Variants in TG observed in about 807,000 individuals in gnomAD.
TG encodes thyroglobulin.
In TG, 270 loss-of-function variants were observed where a neutral mutation model predicts 324.7. The ratio of observed to expected loss-of-function variants is 0.83; its 90% CI spans 0.75 to 0.92. TG has a LOEUF of 0.92. Ranked by LOEUF, TG falls within the 40% of genes least tolerant of loss-of-function variation. The pLI is 0.00. For synonymous variants in TG, 1,401 were observed against 1,327.0 expected, an observed-to-expected ratio of 1.06 and a Z score of -1.21; for missense variants, 3,591 against 3,456.4, an observed-to-expected ratio of 1.04 and a Z score of -0.98.
At chr8:132,937,985 G>A (rs1823857984) in intron 25 of TG, among the ~76,000 whole-genome samples, 2 of 152,264 alleles carry the variant, frequency 1.3e-5, no homozygotes, top group South Asian at 4.1e-4. Context: ...CTAGACCCGG[G>A]TGGAGTGGAG....
intron 16 of TG, among the ~76,000 whole-genome samples, chr8:132,906,294 G>C (rs993887577): frequency 6.6e-6 from 1 of 152,072 alleles, no homozygotes; most frequent in Non-Finnish European, 1.5e-5. Flanking sequence ...GGTGGCTGGT[G>C]GTACTGATCC....
At chr8:132,939,547 A>G (rs1254737056) in intron 25 of TG, among the ~76,000 whole-genome samples, 1 of 152,208 alleles carries the variant, frequency 6.6e-6, no homozygotes, top group Non-Finnish European at 1.5e-5. Flanking sequence ...GGGCTGAGTG[A>G]GCCAATGCTT....
chr8:132,954,275 G>A (rs142166550), intron 27 of TG, among the ~76,000 whole-genome samples: 21 of 151,376 alleles, frequency 1.4e-4, no homozygotes, highest in African/African-American at 4.7e-4. Context: ...ACAGTTATTA[G>A]TTACTGCTGT....
chr8:132,919,541 T>C lies in TG; in HGVS notation c.4528+16T>C. The C allele has an allele frequency of 6.2e-7, 1 of 1,613,452 alleles. No individual in the cohort carries two copies. The highest frequency in any genetic ancestry group is 8.5e-7 in the Non-Finnish European group (1 of 1,179,796). On this transcript the variant is annotated intron_variant, in intron 21 of 47. Coordinates refer to ENST00000220616, the MANE Select transcript of TG (RefSeq NM_003235.5). ...CAGACTCACTGTAAGTTCTGTGGAG[T>C]GCTTCTTTGAAAGAAAAGCCCTGCA...
chr8:133,095,192 A>G lies in TG; in HGVS notation c.7388A>G (p.Asn2463Ser), dbSNP rs374246286. 26 of 1,614,126 alleles carry G rather than the reference A, an allele frequency of 1.6e-5. No individual in the cohort carries two copies. In the South Asian group the frequency reaches 1.6e-4, roughly 10 times the overall value. The stretch of plus-strand genomic sequence containing the variant: ...CGCCAGAAGCCTGCCAATGTCCTCA[A>G]TGATGCCCAGACCAAGGTGAGCACT... ...CLRQKPANVL[N>S]DAQTKLLAVS... The change falls in exon 42 of 48, where the codon AAT becomes AGT. Residue 2463 changes from asparagine (N) to serine (S), a missense_variant. Transcript: ENST00000220616.
At chr8:133,084,788 C>T (rs1846276171) in intron 41 of TG, among the ~76,000 whole-genome samples, 1 of 152,254 alleles carries the variant, frequency 6.6e-6, no homozygotes, top group African/African-American at 2.4e-5. Flanking sequence ...CACACTGTGC[C>T]TCCACAGGCA....
intron 4 of TG, among the ~76,000 whole-genome samples, chr8:132,872,205 G>A (rs1300187495): frequency 1.4e-4 from 22 of 152,104 alleles, no homozygotes; most frequent in African/African-American, 4.3e-4. Flanking sequence ...TTGGCCGGGC[G>A]CGGTGGCTCA....
chr8:132,990,158 TTATA>T lies in TG; in HGVS notation c.6262+6767_6262+6770del, dbSNP rs10536232. ...AACCAGTTAAAGCTGAGCTATACAA[TTATA>T]TATATATATATATATATATAATATA... On this transcript the variant is annotated intron_variant, in intron 35 of 47. Coordinates refer to ENST00000220616, the MANE Select transcript of TG (RefSeq NM_003235.5). Among the ~76,000 whole-genome samples, 943 of 141,570 alleles carry T rather than the reference TTATA, an allele frequency of 6.7e-3. 12 individuals carry two copies. The highest frequency in any genetic ancestry group is 0.021 in the African/African-American group (787 of 38,190). 92.9% of individuals were successfully genotyped at this position (141,570 alleles called of 152,430 possible).
intron 43 of TG, among the ~76,000 whole-genome samples, chr8:133,112,322 C>G (rs1211491032): frequency 3.9e-5 from 6 of 152,358 alleles, no homozygotes; most frequent in African/African-American, 1.4e-4. Context: ...ACATAAGGTC[C>G]TAGAAATATG....
At chr8:133,017,013 G>A (rs1835089674) in intron 37 of TG, among the ~76,000 whole-genome samples, 1 of 152,216 alleles carries the variant, frequency 6.6e-6, no homozygotes. Context: ...ACAAGCTGGG[G>A]CACCCAGGGC....
At chr8:132,875,473 A>C (rs1839871777) in intron 5 of TG, among the ~76,000 whole-genome samples, 1 of 152,224 alleles carries the variant, frequency 6.6e-6, no homozygotes, top group Non-Finnish European at 1.5e-5. Context: ...TAGGTGCTAG[A>C]ACTGTCTGGC....
intron 20 of TG, among the ~76,000 whole-genome samples, chr8:132,913,717 G>A (rs534612874): frequency 5.9e-5 from 9 of 152,254 alleles, no homozygotes; most frequent in South Asian, 2.1e-4. Context: ...TAGTTTGGGG[G>A]CCATTTTTAA....
rs79801642 is a variant in TG at position 133,012,746 on chromosome 8, A to G, written c.6397+711A>G. On this transcript the variant is annotated intron_variant, in intron 36 of 47. Coordinates refer to ENST00000220616, the MANE Select transcript of TG (RefSeq NM_003235.5). ...TGCATATCTTGCAGATTGGACCACC[A>G]TGTACAGATATGCAGGTTATGCACT... 6.3e-3 allele frequency among the ~76,000 whole-genome samples: 962 copies of G among 152,344 alleles called. 12 individuals are homozygous for G. Among genetic ancestry groups the G allele is most frequent in the African/African-American group, 0.021 (890 of 41,578 alleles).
chr8:132,955,810 A>T (rs1198125910), intron 27 of TG, among the ~76,000 whole-genome samples: 1 of 152,218 alleles, frequency 6.6e-6, no homozygotes, highest in East Asian at 1.9e-4. Flanking sequence ...ATTAAAATTG[A>T]CTGCCGCAGA....
intron 18 of TG, among the ~76,000 whole-genome samples, chr8:132,909,346 A>T (rs189790973): frequency 3.3e-5 from 5 of 152,294 alleles, no homozygotes; most frequent in Non-Finnish European, 2.9e-5. Context: ...AGGATGACTA[A>T]GGTTTTGGAT....
chr8:133,050,621 TG>T (rs1260712964), intron 41 of TG: 2 of 523,544 alleles, frequency 3.8e-6, no homozygotes, highest in South Asian at 2.6e-5. Flanking sequence ...TACCAGGCAG[TG>T]GGGAGCTATG....
intron 23 of TG, 113 bp from the exon 24 acceptor site, chr8:132,933,447 TG>T: frequency 1.5e-6 from 1 of 662,026 alleles, no homozygotes; most frequent in Non-Finnish European, 2.6e-6. Flanking sequence ...TGTGTGTGTG[TG>T]TGTGTGTGTG....
chr8:132,908,143 T>C lies in TG; in HGVS notation c.3848-43T>C, dbSNP rs757511640. The stretch of plus-strand genomic sequence containing the variant: ...AAATCCCAAACAAAGAAAATAACTC[T>C]ACAGGCCCATTGCCTCTGCTGATCT... On this transcript the variant is annotated intron_variant, in intron 17 of 47. Transcript: ENST00000220616. 5.0e-6 allele frequency: 8 copies of C among 1,610,588 alleles called. No individual in the cohort carries two copies. The South Asian group carries it at 8.8e-5, about 18-fold the overall frequency.
intron 31 of TG, 58 bp from the exon 32 acceptor site, chr8:132,969,400 T>C (rs1352402012): frequency 1.6e-6 from 2 of 1,228,848 alleles, no homozygotes; most frequent in Non-Finnish European, 2.4e-6. Context: ...TTTGTCCTCA[T>C]ATTTTCATGA....
Sources: gnomAD v4.1 joint callset for allele counts (sites outside exome capture counted in the v4.1 genomes callset) on GRCh38, gnomAD v4.1.1 for gene constraint, MANE v1.5 for transcripts, NCBI Gene and HGNC (gene_info 2026-07-23, HGNC 2026-07-21) for gene names.